The following NLGN4X variants were observed in gnomAD, a reference collection of about 807,000 sequenced individuals.
The protein encoded by NLGN4X is neuroligin 4 X-linked, also known as neuroligin-4, X-linked.
Under a neutral mutation model 40.3 loss-of-function variants are expected in NLGN4X, and 3 were observed. The observed-to-expected ratio is 0.07, with a 90% CI of 0.03 to 0.19. NLGN4X has a LOEUF of 0.19. Among genes scored for constraint, NLGN4X ranks in the 10% least tolerant of loss-of-function variants. The pLI is 1.00. For missense variants in NLGN4X, 382 were observed against 708.3 expected, an observed-to-expected ratio of 0.54 and a Z score of 5.23; for synonymous variants, 270 against 306.8, an observed-to-expected ratio of 0.88 and a Z score of 1.25.
intron 2 of NLGN4X, among the ~76,000 whole-genome samples, chrX:6,121,016 A>C (rs72609514): frequency 0.088 from 9,778 of 111,434 alleles, 359 homozygotes; most frequent in East Asian, 0.17. Context: ...TGTTTGAAGA[A>C]GCATGAATGT....
chrX:6,074,102 C>T (rs995802657), intron 2 of NLGN4X, among the ~76,000 whole-genome samples: 1 of 110,730 alleles, frequency 9.0e-6, no homozygotes. Flanking sequence ...TGGTGCCAAC[C>T]GACTCAAAAC....
At chrX:5,907,637 C>T (rs1353390543) in intron 4 of NLGN4X, among the ~76,000 whole-genome samples, 1 of 111,022 alleles carries the variant, frequency 9.0e-6, no homozygotes, top group Non-Finnish European at 1.9e-5. Flanking sequence ...TTGCCAACAT[C>T]AGCTTTTTCC....
Position 6,168,792 on chromosome X carries a change from G to A in NLGN4X, c.-305-17021C>T, listed in dbSNP as rs1238872553. On this transcript the variant is annotated intron_variant, in intron 1 of 5. Coordinates refer to ENST00000381095, the MANE Select transcript of NLGN4X (RefSeq NM_181332.3). Reference sequence around the variant, plus strand: ...TGTCCTTTTTATTTTTTTGAGACAGGGTCTTGCTCTGTCACCCAGGCTGGA... The same window carrying A: ...TGTCCTTTTTATTTTTTTGAGACAGAGTCTTGCTCTGTCACCCAGGCTGGA... 3.6e-5 allele frequency among the ~76,000 whole-genome samples: 4 copies of A among 111,155 alleles called. No homozygotes were observed. The East Asian group carries it at 8.5e-4, about 24-fold the overall frequency.
At chrX:6,200,057 G>T (rs930378085) in intron 1 of NLGN4X, among the ~76,000 whole-genome samples, 1 of 111,680 alleles carries the variant, frequency 9.0e-6, no homozygotes, top group African/African-American at 3.3e-5. Flanking sequence ...GGCAACATTT[G>T]ATTTTCTCAT....
At chrX:6,065,080 A>C (rs767196371) in intron 2 of NLGN4X, among the ~76,000 whole-genome samples, 47 of 110,750 alleles carry the variant, frequency 4.2e-4, no homozygotes, top group Admixed American at 1.1e-3. Context: ...CACGGGCCCA[A>C]AAAGGGGAAC....
intron 1 of NLGN4X, among the ~76,000 whole-genome samples, chrX:6,166,854 T>C (rs1317350453): frequency 1.8e-5 from 2 of 110,371 alleles, no homozygotes; most frequent in Middle Eastern, 4.2e-3. Flanking sequence ...GGAGGATCAC[T>C]TGAGCCTAAG....
chrX:6,027,353 G>A (rs185043227), intron 3 of NLGN4X, among the ~76,000 whole-genome samples: 71 of 112,274 alleles, frequency 6.3e-4, no homozygotes, highest in African/African-American at 2.0e-3. Context: ...ACATTATTCC[G>A]CCAAGATGTG....
chrX:6,082,413 C>T (rs2038372660), intron 2 of NLGN4X, among the ~76,000 whole-genome samples: 1 of 109,188 alleles, frequency 9.2e-6, no homozygotes, highest in Admixed American at 9.8e-5. Context: ...TGGTGGTATG[C>T]ACCTGTAGTC....
intron 5 of NLGN4X, among the ~76,000 whole-genome samples, chrX:5,898,406 AT>A (rs1335670325): frequency 9.3e-6 from 1 of 107,215 alleles, no homozygotes; most frequent in Non-Finnish European, 1.9e-5. Context: ...ACATCCCAAC[AT>A]CATTTTTCTG....
intron 3 of NLGN4X, among the ~76,000 whole-genome samples, chrX:6,025,658 C>T (rs2147206005): frequency 9.0e-6 from 1 of 111,523 alleles, no homozygotes; most frequent in Non-Finnish European, 1.9e-5. Context: ...AATCCCAGCA[C>T]TTTGGGAGGC....
rs1012270818 is a variant in NLGN4X, at chrX:5,891,535, C to T, written c.*1282G>A. Reference sequence around the variant, plus strand: ...AGGTACTTCATCGGCCAAACCCTCCCGCAGCTGCTAGGGAACACAGAGCCG... The same window carrying T: ...AGGTACTTCATCGGCCAAACCCTCCTGCAGCTGCTAGGGAACACAGAGCCG... On this transcript the variant is annotated 3_prime_UTR_variant, in exon 6 of 6. Transcript: ENST00000381095. 2.1e-5 allele frequency: 6 copies of T among 287,521 alleles called. No homozygotes were observed. The highest frequency in any genetic ancestry group is 1.2e-4 in the East Asian group (1 of 8,652). 23.7% of individuals were successfully genotyped at this position (287,521 alleles called of 1,213,427 possible).
At chrX:6,209,384 A>C (rs1226169436) in intron 1 of NLGN4X, among the ~76,000 whole-genome samples, 1 of 111,737 alleles carries the variant, frequency 8.9e-6, no homozygotes, top group Non-Finnish European at 1.9e-5. Flanking sequence ...AATTTATATA[A>C]GTTTTTTTTA....
chrX:6,009,066 A>AGTGTGTGT (rs80266407), intron 3 of NLGN4X, among the ~76,000 whole-genome samples: 1 of 108,102 alleles, frequency 9.3e-6, no homozygotes, highest in African/African-American at 3.3e-5. Flanking sequence ...CCATTTCAGC[A>AGTGTGTGT]GTGTGTGTGT....
intron 2 of NLGN4X, among the ~76,000 whole-genome samples, chrX:6,145,423 T>C (rs992413171): frequency 3.6e-5 from 4 of 112,321 alleles, no homozygotes; most frequent in Non-Finnish European, 5.6e-5. Flanking sequence ...TCTAGCTGCA[T>C]CCCTGCCATT....
Position 6,023,197 on chromosome X carries a change from G to A in NLGN4X, c.625+6083C>T, listed in dbSNP as rs186851252. ...CACCAAATTTCCTGATGAAACACTAGTTCTACTGCACCGAAGAGCTTTGAT... is the reference window on the plus strand; with the variant it reads ...CACCAAATTTCCTGATGAAACACTAATTCTACTGCACCGAAGAGCTTTGAT... On this transcript the variant is annotated intron_variant, in intron 3 of 5. Transcript: ENST00000381095. Among the ~76,000 whole-genome samples the A allele has an allele frequency of 1.0e-2, 1,111 of 111,636 alleles. 16 individuals carry two copies. Among genetic ancestry groups the A allele is most frequent in the African/African-American group, 0.033 (1,006 of 30,691 alleles).
chrX:6,197,102 A>G (rs1923158862), intron 1 of NLGN4X, among the ~76,000 whole-genome samples: 1 of 112,048 alleles, frequency 8.9e-6, no homozygotes, highest in Non-Finnish European at 1.9e-5. Flanking sequence ...GTTATAAGCC[A>G]TTGTCATGTA....
chrX:5,971,861 G>T (rs764560998), intron 3 of NLGN4X, among the ~76,000 whole-genome samples: 8 of 111,451 alleles, frequency 7.2e-5, no homozygotes, highest in Non-Finnish European at 1.3e-4. Context: ...GTGTTTTCCT[G>T]AAAGCAAAGA....
chrX:5,937,067 T>TCTCTCTC (rs1169209302), intron 3 of NLGN4X, among the ~76,000 whole-genome samples: 5 of 110,823 alleles, frequency 4.5e-5, no homozygotes, highest in African/African-American at 1.3e-4. Flanking sequence ...CTCTCTCTCT[T>TCTCTCTC]ACACATAGTT....
chrX:6,001,493 A>AT (rs1386087862), intron 3 of NLGN4X, among the ~76,000 whole-genome samples: 1 of 112,243 alleles, frequency 8.9e-6, no homozygotes, highest in Admixed American at 9.5e-5. Flanking sequence ...AATCACTATC[A>AT]TAGACAATTG....
Sources: allele counts gnomAD v4.1 joint callset (sites outside exome capture counted in the v4.1 genomes callset), GRCh38; gene constraint gnomAD v4.1.1; transcripts MANE v1.5; gene names NCBI Gene and HGNC (gene_info 2026-07-23, HGNC 2026-07-21).